The following EDNRB variants were observed in gnomAD, a reference collection of about 807,000 sequenced individuals.
The protein encoded by EDNRB is endothelin receptor type B.
EDNRB carries 18 observed loss-of-function variants against 46.4 expected under a neutral mutation model. The ratio of observed to expected loss-of-function variants is 0.39; its 90% CI spans 0.27 to 0.57. EDNRB has a LOEUF of 0.57. Among genes scored for constraint, EDNRB ranks in the 20% least tolerant of loss-of-function variants. The pLI is 0.61. For synonymous variants in EDNRB, 213 were observed against 204.9 expected (o/e 1.04, Z -0.34); for missense variants, 434 against 537.5 (o/e 0.81, Z 1.90).
intron 1 of EDNRB, among the ~76,000 whole-genome samples, chr13:77,927,180 G>A (rs1449003657): frequency 6.6e-6 from 1 of 152,182 alleles, no homozygotes; most frequent in Non-Finnish European, 1.5e-5. Flanking sequence ...TGATTACCTA[G>A]TTATCTACTT....
Position 77,918,041 on chromosome 13 carries a change from AC to A in EDNRB, c.483+49del, listed in dbSNP as rs1566316377. On this transcript the variant is annotated intron_variant, in intron 1 of 6. Coordinates refer to ENST00000646607, the MANE Select transcript of EDNRB (RefSeq NM_001122659.3). The surrounding 1 kb of genome is among the most constrained non-coding windows in gnomAD (Gnocchi z 4.5). Reference sequence around the variant, plus strand: ...AAGCTTTCTCATCTCCCCGTCTCCAACCAGGCCCCCTTCCTCAAGCCCACCA... The same window carrying A: ...AAGCTTTCTCATCTCCCCGTCTCCAACAGGCCCCCTTCCTCAAGCCCACCA... 1 of 1,612,916 alleles carries A rather than the reference AC, an allele frequency of 6.2e-7. No individual in the cohort carries two copies. Among genetic ancestry groups the A allele is most frequent in the Admixed American group, 1.7e-5 (1 of 60,018 alleles).
chr13:77,905,206 G>A (rs1879214381), intron 1 of EDNRB, among the ~76,000 whole-genome samples: 1 of 151,816 alleles, frequency 6.6e-6, no homozygotes, highest in Non-Finnish European at 1.5e-5. Context: ...GGTGGGGTCT[G>A]GGGTAAACTT....
upstream of EDNRB, among the ~76,000 whole-genome samples, chr13:77,921,479 G>C (rs1473546111): frequency 6.6e-6 from 1 of 152,200 alleles, no homozygotes; most frequent in Non-Finnish European, 1.5e-5. Context: ...CAGTGAAACT[G>C]AGTCTCAGTA....
At chr13:77,961,517 C>T (rs935695052) in intron 1 of EDNRB, among the ~76,000 whole-genome samples, 4 of 152,204 alleles carry the variant, frequency 2.6e-5, no homozygotes, top group African/African-American at 9.7e-5. Flanking sequence ...GAACAACCCA[C>T]TCCTGAATGA....
intron 1 of EDNRB, among the ~76,000 whole-genome samples, chr13:77,913,939 C>T (rs916936018): frequency 1.3e-5 from 2 of 152,166 alleles, no homozygotes; most frequent in African/African-American, 2.4e-5. Context: ...TTCATCCTAA[C>T]GTCAGGTAGT....
rs12720203 is a variant in EDNRB at position 77,897,904 on chromosome 13, T to C, written c.*296A>G. ...TTCTGAGTGAGCTCATTTTTAAGCC[T>C]AAGTGTTGTGTGAATATCCTGGAAG... On this transcript the variant is annotated 3_prime_UTR_variant, in exon 7 of 7. Coordinates refer to ENST00000646607, the MANE Select transcript of EDNRB (RefSeq NM_001122659.3). 802 of 1,115,520 alleles carry C rather than the reference T, an allele frequency of 7.2e-4. 5 individuals are homozygous for C. In the African/African-American group the frequency reaches 0.012, roughly 17 times the overall value. The allele number at this position is 1,115,520 out of a possible 1,614,324, so 69.1% of individuals were successfully genotyped here. A position where few individuals can be genotyped will look rare whatever the true frequency, so the allele number is the denominator to read the frequency against.
chr13:77,902,811 C>G (rs1474100539), intron 3 of EDNRB, among the ~76,000 whole-genome samples: 2 of 151,960 alleles, frequency 1.3e-5, no homozygotes, highest in African/African-American at 4.8e-5. Context: ...AATTGCCTTG[C>G]TGAGAAAACT....
At chr13:77,916,294 G>C (rs1415140341) in intron 1 of EDNRB, among the ~76,000 whole-genome samples, 1 of 152,108 alleles carries the variant, frequency 6.6e-6, no homozygotes, top group African/African-American at 2.4e-5. Context: ...TTCTCAATTC[G>C]GTTTTGATGA....
In EDNRB at chr13:77,925,100, C is replaced by T. The variant is rs192827889; in HGVS notation, c.-51-6476G>A. Among the ~76,000 whole-genome samples, 8 of 152,356 alleles carry T rather than the reference C, an allele frequency of 5.3e-5. No individual in the cohort carries two copies. The East Asian group carries it at 1.2e-3, about 22-fold the overall frequency. On this transcript the variant is annotated intron_variant, in intron 1 of 7. Transcript: ENST00000646948. Reference sequence around the variant, plus strand: ...GCAACCACCATTTTAATTTCTGCTTCTATGAATTTGACTACTTTAGAAATC... The same window carrying T: ...GCAACCACCATTTTAATTTCTGCTTTTATGAATTTGACTACTTTAGAAATC...
chr13:77,971,031 C>T (rs1881713092), intron 1 of EDNRB, among the ~76,000 whole-genome samples: 1 of 152,124 alleles, frequency 6.6e-6, no homozygotes, highest in African/African-American at 2.4e-5. Flanking sequence ...TTCAGAGTCA[C>T]TTTGCAGGGG....
At chr13:77,967,243 C>T (rs1315942031) in intron 1 of EDNRB, among the ~76,000 whole-genome samples, 1 of 151,998 alleles carries the variant, frequency 6.6e-6, no homozygotes, top group Non-Finnish European at 1.5e-5. Context: ...ACCCTACATC[C>T]CCAACCTTTT....
intron 1 of EDNRB, among the ~76,000 whole-genome samples, chr13:77,926,443 A>C (rs1389670493): frequency 6.6e-6 from 1 of 152,134 alleles, no homozygotes; most frequent in African/African-American, 2.4e-5. Context: ...TTCAAGTTCC[A>C]CATATCTCTA....
intron 1 of EDNRB, among the ~76,000 whole-genome samples, chr13:77,964,746 G>A (rs146830226): frequency 1.3e-5 from 2 of 152,068 alleles, no homozygotes; most frequent in Non-Finnish European, 2.9e-5. Context: ...CTTGCACGTT[G>A]TGCACATGTA....
At chr13:77,966,915 C>T (rs894060065) in intron 1 of EDNRB, among the ~76,000 whole-genome samples, 13 of 151,984 alleles carry the variant, frequency 8.6e-5, no homozygotes, top group South Asian at 4.1e-4. Context: ...ATATTTTTTT[C>T]GGCTGACATG....
chr13:77,958,193 T>C (rs1298011179), intron 1 of EDNRB, among the ~76,000 whole-genome samples: 1 of 152,156 alleles, frequency 6.6e-6, no homozygotes, highest in Admixed American at 6.5e-5. Flanking sequence ...TTCAGCTATC[T>C]GGAAATAGAG....
Position 77,896,348 on chromosome 13 carries a change from T to C in EDNRB, c.*1852A>G. The stretch of plus-strand genomic sequence containing the variant: ...TTTAAAATTGAGAGTCTAAAATGAC[T>C]TCTATGATAACAGGCCTCTGAAAAA... On this transcript the variant is annotated 3_prime_UTR_variant, in exon 7 of 7. Transcript: ENST00000646607. The C allele has an allele frequency of 1.5e-6, 2 of 1,337,442 alleles. No homozygotes were observed. Among genetic ancestry groups the C allele is most frequent in the Non-Finnish European group, 2.0e-6 (2 of 1,010,420 alleles). The allele number at this position is 1,337,442 out of a possible 1,614,324, so 82.8% of individuals were successfully genotyped here.
intron 2 of EDNRB, 56 bp from the exon 3 acceptor site, chr13:77,903,416 T>A (rs1275007733): frequency 8.1e-6 from 13 of 1,610,884 alleles, no homozygotes; most frequent in Non-Finnish European, 8.5e-6. Flanking sequence ...TTTATTGAAT[T>A]GCACAGTTTA....
At chr13:77,941,987 T>C (rs1269123997) in intron 1 of EDNRB, among the ~76,000 whole-genome samples, 2 of 152,226 alleles carry the variant, frequency 1.3e-5, no homozygotes, top group African/African-American at 4.8e-5. Flanking sequence ...TATTAACCAC[T>C]GCAACCAGCT....
rs547865264 is a variant in EDNRB, at chr13:77,948,900, A to T, written c.-52+26447T>A. On this transcript the variant is annotated intron_variant, in intron 1 of 7. Transcript: ENST00000646948. ...CTAAAGAAAATACCTTGGGAAGTAA[A>T]ACATAAAAGATTGCTGCACTGCTTT... Among the ~76,000 whole-genome samples the T allele has an allele frequency of 7.2e-5, 11 of 152,332 alleles. No homozygotes were observed. The South Asian group carries it at 2.3e-3, about 32-fold the overall frequency.
Sources: gnomAD v4.1 joint callset for allele counts (sites outside exome capture counted in the v4.1 genomes callset) on GRCh38, gnomAD v4.1.1 for gene constraint, Gnocchi (gnomAD v3.1) non-coding constraint, MANE v1.5 for transcripts, NCBI Gene and HGNC (gene_info 2026-07-23, HGNC 2026-07-21) for gene names.